Variants in PTPRD observed in about 807,000 individuals in gnomAD.
The protein encoded by PTPRD is receptor-type tyrosine-protein phosphatase delta.
In PTPRD, 34 loss-of-function variants were observed where a neutral mutation model predicts 214.5. The ratio of observed to expected loss-of-function variants is 0.16; its 90% CI spans 0.12 to 0.21. The LOEUF is 0.21. Ranked by LOEUF, PTPRD falls within the 10% of genes least tolerant of loss-of-function variation. PTPRD has a pLI of 1.00. For synonymous variants in PTPRD, 1,128 were observed against 845.7 expected (o/e 1.33, Z -5.79); for missense variants, 2,545 against 2,398.7 (o/e 1.06, Z -1.27).
At chr9:9,048,533 T>A (rs780950378) in intron 10 of PTPRD, among the ~76,000 whole-genome samples, 1 of 152,158 alleles carries the variant, frequency 6.6e-6, no homozygotes, top group Admixed American at 6.6e-5. Context: ...ATTATTATGA[T>A]ACATGAAATA....
chr9:9,110,934 G>A (rs547655882), intron 10 of PTPRD, among the ~76,000 whole-genome samples: 1 of 152,122 alleles, frequency 6.6e-6, no homozygotes, highest in Non-Finnish European at 1.5e-5. Context: ...GACAGAGACT[G>A]TATGGCCCAC....
intron 9 of PTPRD, among the ~76,000 whole-genome samples, chr9:9,281,288 C>A (rs1670954817): frequency 6.6e-6 from 1 of 151,012 alleles, no homozygotes; most frequent in Non-Finnish European, 1.5e-5. Flanking sequence ...TTCTGCTCTG[C>A]AAAACCCAAA....
intron 11 of PTPRD, among the ~76,000 whole-genome samples, chr9:8,859,685 G>A (rs931856321): frequency 2.0e-5 from 3 of 152,034 alleles, no homozygotes; most frequent in African/African-American, 7.2e-5. Flanking sequence ...TCTGCATGCT[G>A]TGCTCCTGAA....
intron 8 of PTPRD, among the ~76,000 whole-genome samples, chr9:9,408,767 G>T (rs2074405323): frequency 6.6e-6 from 1 of 151,802 alleles, no homozygotes; most frequent in Non-Finnish European, 1.5e-5. Flanking sequence ...CAATTGTGAA[G>T]ATTAAATAAA....
At chr9:10,369,072 C>T (rs776767007) in intron 2 of PTPRD, among the ~76,000 whole-genome samples, 18 of 152,056 alleles carry the variant, frequency 1.2e-4, no homozygotes, top group Non-Finnish European at 2.2e-4. Flanking sequence ...CTTAGGCATG[C>T]ACCATGGTTA....
chr9:10,403,920 G>C (rs996006521), intron 2 of PTPRD, among the ~76,000 whole-genome samples: 1 of 151,660 alleles, frequency 6.6e-6, no homozygotes, highest in Non-Finnish European at 1.5e-5. Context: ...TATAAAGGTA[G>C]ATACATGCCA....
At chr9:8,713,624 C>T (rs1780481213) in intron 12 of PTPRD, 1 of 1,536,522 alleles carries the variant, frequency 6.5e-7, no homozygotes. Flanking sequence ...ACCGCGGGCG[C>T]TGTCACCCAG....
chr9:9,828,571 A>C (rs995982470), intron 5 of PTPRD, among the ~76,000 whole-genome samples: 7 of 151,978 alleles, frequency 4.6e-5, no homozygotes, highest in Non-Finnish European at 7.4e-5. Context: ...TTAATGGGTG[A>C]AGCACACCAA....
intron 12 of PTPRD, among the ~76,000 whole-genome samples, chr9:8,638,362 TGTTTGGTTTTCTTGGA>T (rs1249834387): frequency 6.6e-6 from 1 of 152,164 alleles, no homozygotes; most frequent in East Asian, 1.9e-4. Context: ...GTTCTGACTC[TGTTTGGTTTTCTTGGA>T]GTCAAGGAAG....
At chr9:9,843,933 T>G (rs899815527) in intron 5 of PTPRD, among the ~76,000 whole-genome samples, 1 of 152,020 alleles carries the variant, frequency 6.6e-6, no homozygotes, top group African/African-American at 2.4e-5. Flanking sequence ...TTAAGATTCA[T>G]TGGGGAAGAG....
intron 3 of PTPRD, among the ~76,000 whole-genome samples, chr9:10,149,755 G>C (rs1006103741): frequency 2.7e-5 from 4 of 150,070 alleles, no homozygotes; most frequent in Non-Finnish European, 4.4e-5. Context: ...TTCTGAGATG[G>C]AGTCTTGCTC....
intron 8 of PTPRD, among the ~76,000 whole-genome samples, chr9:9,432,498 G>A (rs1428550674): frequency 6.6e-6 from 1 of 152,102 alleles, no homozygotes; most frequent in Non-Finnish European, 1.5e-5. Context: ...GGGCAATATT[G>A]ATCCAACAAG....
intron 2 of PTPRD, among the ~76,000 whole-genome samples, chr9:10,484,934 C>T (rs1438569535): frequency 6.6e-6 from 1 of 151,964 alleles, no homozygotes; most frequent in East Asian, 1.9e-4. Flanking sequence ...AAATACTACC[C>T]AGATCAATGT....
intron 12 of PTPRD, among the ~76,000 whole-genome samples, chr9:8,657,858 C>T (rs1297051839): frequency 6.6e-6 from 1 of 152,082 alleles, no homozygotes; most frequent in East Asian, 1.9e-4. Context: ...GACTTATTTC[C>T]ATGATCATAA....
intron 2 of PTPRD, among the ~76,000 whole-genome samples, chr9:10,410,544 G>A (rs2098423688): frequency 6.6e-6 from 1 of 151,116 alleles, no homozygotes; most frequent in Admixed American, 6.6e-5. Context: ...TAGGGACATT[G>A]ATACACACAT....
intron 11 of PTPRD, among the ~76,000 whole-genome samples, chr9:8,824,036 T>G (rs1001372436): frequency 6.6e-6 from 1 of 152,100 alleles, no homozygotes; most frequent in Admixed American, 6.5e-5. Flanking sequence ...CTGGTGGGAG[T>G]GTAGCAGTGA....
At chr9:9,927,738 G>A (rs1448888587) in intron 5 of PTPRD, among the ~76,000 whole-genome samples, 1 of 152,046 alleles carries the variant, frequency 6.6e-6, no homozygotes, top group Admixed American at 6.6e-5. Flanking sequence ...AATGTTCATA[G>A]ATTCTTAATA....
At chr9:10,574,222 T>C (rs1238470035) in intron 2 of PTPRD, among the ~76,000 whole-genome samples, 1 of 152,026 alleles carries the variant, frequency 6.6e-6, no homozygotes, top group Admixed American at 6.6e-5. Context: ...TGCGTGCATG[T>C]GTGTGTATTG....
intron 14 of PTPRD, among the ~76,000 whole-genome samples, chr9:8,599,302 C>A (rs372788546): frequency 6.6e-6 from 1 of 152,020 alleles, no homozygotes; most frequent in South Asian, 2.1e-4. Context: ...TTATTAGCAG[C>A]GTGGGAACAG....
Sources: gnomAD v4.1 joint callset for allele counts (sites outside exome capture counted in the v4.1 genomes callset) on GRCh38, gnomAD v4.1.1 for gene constraint, MANE v1.5 for transcripts, NCBI Gene and HGNC (gene_info 2026-07-23, HGNC 2026-07-21) for gene names.